Variants in AMD1 observed in about 807,000 individuals in gnomAD.
AMD1 encodes S-adenosylmethionine decarboxylase proenzyme.
A neutral mutation model predicts 40.2 loss-of-function variants in AMD1; 11 were observed. The observed-to-expected ratio is 0.27, with a 90% CI of 0.17 to 0.45. The LOEUF (loss-of-function observed/expected upper bound fraction) is 0.45, where lower values mean the gene tolerates loss of function less well. Ranked by LOEUF, AMD1 falls within the 20% of genes least tolerant of loss-of-function variation. The pLI, the probability that AMD1 is intolerant of heterozygous loss-of-function variation, is 1.00. For missense variants in AMD1, 257 were observed against 410.2 expected, an observed-to-expected ratio of 0.63 and a Z score of 3.23; for synonymous variants, 121 against 130.8, an observed-to-expected ratio of 0.93 and a Z score of 0.51.
At chr6:110,816,108 G>A in the AMD1 span, 1 of 152,308 alleles carries the variant, frequency 6.6e-6, no homozygotes, top group East Asian at 1.9e-4. Flanking sequence ...GTTTCCTAGA[G>A]CCTGCCTTGG....
At chr6:110,882,757 C>T (rs77645563) in intron 1 of AMD1, among the ~76,000 whole-genome samples, 5,639 of 152,086 alleles carry the variant, frequency 0.037, 130 homozygotes, top group Middle Eastern at 0.071. Flanking sequence ...TTCTGATTAC[C>T]GGAGCATTAC....
At chr6:110,892,556 G>GT in intron 6 of AMD1, 113 bp downstream of exon 6, 1 of 1,477,752 alleles carries the variant, frequency 6.8e-7, no homozygotes. Flanking sequence ...TGTTACATAG[G>GT]TAAACTTGTG....
the AMD1 span, among the ~76,000 whole-genome samples, chr6:110,866,331 G>T: frequency 6.6e-6 from 1 of 152,140 alleles, no homozygotes; most frequent in Non-Finnish European, 1.5e-5. Flanking sequence ...ACACTGTAGG[G>T]ATCAAAAGAG....
At chr6:110,883,746 CAT>C (rs1785529375) in intron 1 of AMD1, among the ~76,000 whole-genome samples, 1 of 152,072 alleles carries the variant, frequency 6.6e-6, no homozygotes, top group African/African-American at 2.4e-5. Context: ...TGCCCGCCAC[CAT>C]GCCCAGCTAA....
At chr6:110,883,831 T>C (rs1020645195) in intron 1 of AMD1, among the ~76,000 whole-genome samples, 3 of 152,226 alleles carry the variant, frequency 2.0e-5, no homozygotes, top group East Asian at 3.9e-4. Context: ...TCTCCTGACC[T>C]TGTGATCCTC....
chr6:110,816,195 G>T, the AMD1 span, among the ~76,000 whole-genome samples: 1 of 152,164 alleles, frequency 6.6e-6, no homozygotes, highest in African/African-American at 2.4e-5. Context: ...CTTTCTCTTA[G>T]CATATGCGGT....
At chr6:110,892,119 A>G (rs1236847812) in intron 4 of AMD1, 42 bp from the exon 5 acceptor site, 1 of 1,600,986 alleles carries the variant, frequency 6.2e-7, no homozygotes. Context: ...ATCCTATTAA[A>G]TGGATGTGTT....
intron 1 of AMD1, among the ~76,000 whole-genome samples, chr6:110,885,104 C>T (rs902546623): frequency 6.6e-6 from 1 of 152,140 alleles, no homozygotes; most frequent in Non-Finnish European, 1.5e-5. Flanking sequence ...AGCAGGATTT[C>T]ATTCCCACGA....
chr6:110,818,878 A>G, the AMD1 span, among the ~76,000 whole-genome samples: 1 of 152,214 alleles, frequency 6.6e-6, no homozygotes, highest in Non-Finnish European at 1.5e-5. Context: ...AAAAGGCCTC[A>G]CATTCCTCAA....
the AMD1 span, among the ~76,000 whole-genome samples, chr6:110,853,587 G>T: frequency 6.6e-6 from 1 of 152,074 alleles, no homozygotes; most frequent in African/African-American, 2.4e-5. Context: ...GATTACAGGC[G>T]TGAGCCACCG....
chr6:110,830,610 G>T, the AMD1 span, among the ~76,000 whole-genome samples: 2 of 152,216 alleles, frequency 1.3e-5, no homozygotes, highest in Non-Finnish European at 2.9e-5. Context: ...CTGCCCCTGA[G>T]CTGCTACTCT....
upstream of AMD1, among the ~76,000 whole-genome samples, chr6:110,873,240 T>C (rs868785469): frequency 1.3e-5 from 2 of 152,168 alleles, no homozygotes; most frequent in Non-Finnish European, 2.9e-5. Context: ...GGCATGCACC[T>C]GTAATCCCAG....
the AMD1 span, among the ~76,000 whole-genome samples, chr6:110,859,763 G>A: frequency 6.6e-6 from 1 of 152,128 alleles, no homozygotes; most frequent in South Asian, 2.1e-4. Context: ...AGAAGGAAGT[G>A]GAATTCTGCG....
chr6:110,868,780 G>T, the AMD1 span, among the ~76,000 whole-genome samples: 1 of 152,196 alleles, frequency 6.6e-6, no homozygotes, highest in East Asian at 1.9e-4. Flanking sequence ...TCAAGGCCAG[G>T]CGCGGTGGCT....
At chr6:110,858,719 G>A in the AMD1 span, 3 of 794,778 alleles carry the variant, frequency 3.8e-6, no homozygotes, top group Non-Finnish European at 6.7e-6. Context: ...CACCATGAAG[G>A]CTGGCCAGTG....
At chr6:110,890,221 C>CTT in intron 3 of AMD1, 33 bp from the exon 4 acceptor site, 2 of 1,420,174 alleles carry the variant, frequency 1.4e-6, no homozygotes, top group Admixed American at 2.3e-5. Flanking sequence ...CTAAAGTCAT[C>CTT]TTTTTTTTTC....
the AMD1 span, among the ~76,000 whole-genome samples, chr6:110,823,382 C>A: frequency 1.3e-5 from 2 of 152,152 alleles, no homozygotes; most frequent in Admixed American, 1.3e-4. Context: ...CCAGATCCAT[C>A]AGGCAAGAGA....
At chr6:110,873,299 G>A (rs796305460), upstream of AMD1, among the ~76,000 whole-genome samples, 2 of 152,306 alleles carry the variant, frequency 1.3e-5, no homozygotes, top group African/African-American at 4.8e-5. Context: ...AGGAGGCAGA[G>A]GTTGCAGTGA....
the AMD1 span, chr6:110,815,188 C>T: frequency 1.1e-5 from 16 of 1,502,584 alleles, no homozygotes; most frequent in Non-Finnish European, 1.2e-5. Flanking sequence ...GCCGCTCAGT[C>T]CCTCCTCCTC....
Sources: gnomAD v4.1 joint callset for allele counts (sites outside exome capture counted in the v4.1 genomes callset) on GRCh38, gnomAD v4.1.1 for gene constraint, MANE v1.5 for transcripts, NCBI Gene and HGNC (gene_info 2026-07-23, HGNC 2026-07-21) for gene names.